EPB41: variants seen among roughly 807,000 people sequenced by gnomAD.
The protein encoded by EPB41 is protein 4.1.
Under a neutral mutation model 108.0 loss-of-function variants are expected in EPB41, and 65 were observed. The observed-to-expected ratio is 0.60, with a 90% CI of 0.49 to 0.74. The LOEUF (loss-of-function observed/expected upper bound fraction) is 0.74. Ranked by LOEUF, EPB41 falls within the 30% of genes least tolerant of loss-of-function variation. EPB41 has a pLI of 0.00. For synonymous variants in EPB41, 336 were observed against 358.9 expected (o/e 0.94, Z 0.72); for missense variants, 875 against 1,037.0 (o/e 0.84, Z 2.15).
intron 1 of EPB41, among the ~76,000 whole-genome samples, chr1:28,958,819 CAAAAAAAAAA>C (rs35105287): frequency 7.6e-5 from 5 of 65,764 alleles, no homozygotes; most frequent in Non-Finnish European, 1.5e-4. Flanking sequence ...ACCCTGTCTC[CAAAAAAAAAA>C]AAAAAAAAAA....
chr1:29,114,504 G>A (rs1670223082), intron 19 of EPB41, among the ~76,000 whole-genome samples: 1 of 152,028 alleles, frequency 6.6e-6, no homozygotes, highest in Non-Finnish European at 1.5e-5. Flanking sequence ...TTAGCCAGAC[G>A]TGGTCACGGA....
chr1:28,891,667 G>A (rs1046286687), intron 1 of EPB41, among the ~76,000 whole-genome samples: 5 of 152,174 alleles, frequency 3.3e-5, no homozygotes, highest in Non-Finnish European at 5.9e-5. Flanking sequence ...AGGTGAGAAT[G>A]TGGTTGCTGG....
In EPB41 at chr1:28,929,531, A is replaced by G. The variant is rs1385940684; in HGVS notation, c.-8+14763A>G. Reference sequence around the variant, plus strand: ...AGGCGTGAGCCACTGCGCCCGGCCAATTTTTACTATTTTTTTTGAGACGGA... The same window carrying G: ...AGGCGTGAGCCACTGCGCCCGGCCAGTTTTTACTATTTTTTTTGAGACGGA... On this transcript the variant is annotated intron_variant, in intron 1 of 20. Coordinates refer to ENST00000343067, the MANE Select transcript of EPB41 (RefSeq NM_001376013.1). 1.1e-4 allele frequency among the ~76,000 whole-genome samples: 14 copies of G among 121,822 alleles called. No homozygotes were observed. In the South Asian group the frequency reaches 3.4e-3, roughly 29 times the overall value. The allele number at this position is 121,822 out of a possible 152,430, so 79.9% of individuals were successfully genotyped here.
At chr1:28,918,249 C>A (rs969872161) in intron 1 of EPB41, among the ~76,000 whole-genome samples, 4 of 151,982 alleles carry the variant, frequency 2.6e-5, no homozygotes, top group Non-Finnish European at 1.5e-5. Context: ...GACGAGGTTT[C>A]ACCATGTTGG....
chr1:29,023,954 G>A (rs1284524044), intron 7 of EPB41, among the ~76,000 whole-genome samples: 1 of 151,904 alleles, frequency 6.6e-6, no homozygotes, highest in African/African-American at 2.4e-5. Context: ...GCAATAATGT[G>A]AATTTTCTAA....
Position 29,060,496 on chromosome 1 carries a change from C to T in EPB41, c.2007+12C>T. 9.9e-6 allele frequency: 16 copies of T among 1,609,278 alleles called. No homozygotes were observed. The highest frequency in any genetic ancestry group is 1.4e-5 in the Non-Finnish European group (16 of 1,175,806). On this transcript the variant is annotated intron_variant, in intron 15 of 20. Coordinates refer to ENST00000343067, the MANE Select transcript of EPB41 (RefSeq NM_001376013.1). ...ATTTAATGTTGGAGGTTTGTATGAA[C>T]TTGAAGCTTATTTCAGTTGGTTGCC...
chr1:28,902,183 GTCA>G (rs1346390999), intron 1 of EPB41: 1 of 985,194 alleles, frequency 1.0e-6, no homozygotes, highest in Non-Finnish European at 1.2e-6. Flanking sequence ...AAAGTGAGCG[GTCA>G]TCATCCTTTC....
intron 1 of EPB41, among the ~76,000 whole-genome samples, chr1:28,962,394 C>T (rs988065444): frequency 3.3e-5 from 5 of 152,202 alleles, no homozygotes; most frequent in African/African-American, 7.2e-5. Flanking sequence ...TGGCAAAAAC[C>T]GCAGTTACTT....
intron 4 of EPB41, among the ~76,000 whole-genome samples, chr1:29,002,477 G>A (rs2096315218): frequency 6.6e-6 from 1 of 151,636 alleles, no homozygotes; most frequent in African/African-American, 2.4e-5. Context: ...TAGTATTATT[G>A]TTTTAAAATG....
At chr1:29,094,830 T>C (rs1419017443) in intron 16 of EPB41, among the ~76,000 whole-genome samples, 1 of 152,194 alleles carries the variant, frequency 6.6e-6, no homozygotes, top group African/African-American at 2.4e-5. Flanking sequence ...CCTCATCCTC[T>C]GTGGGGCCTT....
intron 1 of EPB41, among the ~76,000 whole-genome samples, chr1:28,963,196 CAAATG>C (rs1311080341): frequency 6.6e-6 from 1 of 151,924 alleles, no homozygotes; most frequent in Non-Finnish European, 1.5e-5. Flanking sequence ...CAAAAACAAA[CAAATG>C]AAAATAATCC....
At position 29,106,564 on chromosome 1, in the gene EPB41, A is replaced by ATTTTTTTTTT. The variant is rs1187973613; in HGVS notation, c.2314-2754_2314-2745dup. Among the ~76,000 whole-genome samples, 141 of 50,890 alleles carry ATTTTTTTTTT rather than the reference A, an allele frequency of 2.8e-3. 44 individuals are homozygous for ATTTTTTTTTT. Among genetic ancestry groups the ATTTTTTTTTT allele is most frequent in the Non-Finnish European group, 3.6e-3 (109 of 30,494 alleles). 33.4% of individuals were successfully genotyped at this position (50,890 alleles called of 152,430 possible). On this transcript the variant is annotated intron_variant, in intron 17 of 20. Coordinates refer to ENST00000343067, the MANE Select transcript of EPB41 (RefSeq NM_001376013.1). ...CCTCTCAGCCTCCCGAGTAGCTGGG[A>ATTTTTTTTTT]TTTTTTTTTTTTTTTTTTTTTTTTT...
At chr1:28,909,350 C>T (rs2092094181) in intron 1 of EPB41, among the ~76,000 whole-genome samples, 1 of 152,028 alleles carries the variant, frequency 6.6e-6, no homozygotes. Flanking sequence ...TGCTTGTAAT[C>T]CCAGCTACTT....
intron 17 of EPB41, among the ~76,000 whole-genome samples, chr1:29,104,142 T>C (rs1434478182): frequency 6.6e-6 from 1 of 152,234 alleles, no homozygotes; most frequent in East Asian, 1.9e-4. Context: ...CTAATAGTTG[T>C]ACCTCATAGG....
intron 4 of EPB41, among the ~76,000 whole-genome samples, chr1:29,000,546 C>G (rs892750458): frequency 2.0e-5 from 3 of 152,192 alleles, no homozygotes. Flanking sequence ...CATTATTTCC[C>G]TGTAAGTATT....
upstream of EPB41, among the ~76,000 whole-genome samples, chr1:28,913,704 T>A (rs2092378245): frequency 6.6e-6 from 1 of 152,178 alleles, no homozygotes; most frequent in Non-Finnish European, 1.5e-5. Flanking sequence ...CTTCTAGGTA[T>A]CATGCTTAAA....
chr1:28,921,873 A>G (rs1010213938), intron 1 of EPB41, among the ~76,000 whole-genome samples: 8 of 148,558 alleles, frequency 5.4e-5, no homozygotes, highest in East Asian at 2.1e-4. Flanking sequence ...GAGGCAAGAA[A>G]ATCCACATAG....
intron 18 of EPB41, among the ~76,000 whole-genome samples, chr1:29,110,863 C>T (rs769872090): frequency 1.1e-4 from 17 of 152,170 alleles, no homozygotes; most frequent in Non-Finnish European, 2.2e-4. Flanking sequence ...TGTTCATAGC[C>T]TTCAGATTTT....
At chr1:29,084,162 C>T (rs1163842028) in intron 16 of EPB41, among the ~76,000 whole-genome samples, 1 of 152,244 alleles carries the variant, frequency 6.6e-6, no homozygotes, top group Admixed American at 6.5e-5. Context: ...TGTGCACCCT[C>T]ATCCCCTATT....
Sources: gnomAD v4.1 joint callset for allele counts (sites outside exome capture counted in the v4.1 genomes callset) on GRCh38, gnomAD v4.1.1 for gene constraint, MANE v1.5 for transcripts, NCBI Gene and HGNC (gene_info 2026-07-23, HGNC 2026-07-21) for gene names.